ARHGAP21: variants seen among roughly 807,000 people sequenced by gnomAD.
ARHGAP21 encodes the protein rho GTPase-activating protein 21.
A neutral mutation model predicts 164.6 loss-of-function variants in ARHGAP21; 38 were observed. That is an observed-to-expected ratio of 0.23 (90% CI 0.18 to 0.30). ARHGAP21 has a LOEUF of 0.30. ARHGAP21 is among the 10% of genes least tolerant of loss of function. The pLI is 1.00. For missense variants in ARHGAP21, 1,822 were observed against 2,370.7 expected, an observed-to-expected ratio of 0.77 and a Z score of 4.81; for synonymous variants, 766 against 857.9, an observed-to-expected ratio of 0.89 and a Z score of 1.87.
chr10:24,584,487 A>G lies in ARHGAP21; in HGVS notation c.5802T>C (p.Ser1934=). 1 of 1,613,976 alleles carries G rather than the reference A, an allele frequency of 6.2e-7. No homozygotes were observed. The highest frequency in any genetic ancestry group is 2.2e-5 in the East Asian group (1 of 44,878). Residue 1934 remains serine (S), a synonymous_variant, in exon 26 of 26, where the codon AGT becomes AGC. Transcript: ENST00000396432. ...ESFQNVSKNA[S]SAANAQPHKL... ...TATGAGGTTGGGCATTCGCTGCAGA[A>G]CTAGCATTTTTGCTCACGTTCTGGA...
chr10:24,699,130 G>A (rs988389366), intron 2 of ARHGAP21, among the ~76,000 whole-genome samples: 3 of 151,982 alleles, frequency 2.0e-5, no homozygotes, highest in Non-Finnish European at 4.4e-5. Context: ...TATCATTCCA[G>A]ACATTCCTTT....
chr10:24,606,358 A>AAAAT (rs2077024265), intron 11 of ARHGAP21, among the ~76,000 whole-genome samples: 2 of 152,344 alleles, frequency 1.3e-5, no homozygotes, highest in South Asian at 2.1e-4. Flanking sequence ...GAATCCATAG[A>AAAAT]AAATAGTCAA....
intron 2 of ARHGAP21, among the ~76,000 whole-genome samples, chr10:24,675,163 A>G (rs956196951): frequency 3.3e-5 from 5 of 152,244 alleles, no homozygotes; most frequent in Non-Finnish European, 5.9e-5. Context: ...CTGGAAAACA[A>G]CTGAAATATT....
chr10:24,617,471 T>C (rs1032004864), intron 9 of ARHGAP21, among the ~76,000 whole-genome samples: 4 of 152,142 alleles, frequency 2.6e-5, no homozygotes, highest in Admixed American at 2.0e-4. Flanking sequence ...AAAATATCTA[T>C]TCTAGATGAT....
intron 9 of ARHGAP21, among the ~76,000 whole-genome samples, chr10:24,610,062 G>A (rs972480666): frequency 1.3e-5 from 2 of 152,136 alleles, no homozygotes; most frequent in Non-Finnish European, 2.9e-5. Flanking sequence ...GTTAAACTAC[G>A]TAATCAAAGA....
intron 2 of ARHGAP21, among the ~76,000 whole-genome samples, chr10:24,708,922 A>AT (rs1167817240): frequency 6.6e-6 from 1 of 152,164 alleles, no homozygotes; most frequent in Non-Finnish European, 1.5e-5. Context: ...TATCTTTTTG[A>AT]TAAGTGGATT....
intron 2 of ARHGAP21, among the ~76,000 whole-genome samples, chr10:24,712,617 AT>A (rs1471999105): frequency 6.6e-6 from 1 of 152,218 alleles, no homozygotes. Flanking sequence ...CACAGACACA[AT>A]TTTTTTCCCC....
intron 2 of ARHGAP21, among the ~76,000 whole-genome samples, chr10:24,680,483 G>A (rs1265558539): frequency 6.6e-6 from 1 of 152,120 alleles, no homozygotes; most frequent in Non-Finnish European, 1.5e-5. Context: ...GCTATGTCTT[G>A]TTTTACTGGG....
At chr10:24,648,598 G>A (rs759045371) in intron 4 of ARHGAP21, among the ~76,000 whole-genome samples, 41 of 152,142 alleles carry the variant, frequency 2.7e-4, no homozygotes, top group Admixed American at 1.4e-3. Flanking sequence ...TGGCCAACAC[G>A]GTGAAACCCT....
At chr10:24,598,074 A>G in intron 14 of ARHGAP21, 65 bp from the exon 15 acceptor site, 2 of 1,324,804 alleles carry the variant, frequency 1.5e-6, no homozygotes, top group Non-Finnish European at 2.1e-6. Context: ...TACTTTTTTG[A>G]GGCTTTCTAT....
intron 2 of ARHGAP21, among the ~76,000 whole-genome samples, chr10:24,694,111 GC>G (rs1158266516): frequency 2.0e-5 from 3 of 152,078 alleles, no homozygotes; most frequent in Non-Finnish European, 2.9e-5. Flanking sequence ...TAGGATTATT[GC>G]CCAAATTACA....
At chr10:24,722,996 GA>G (rs1361675337) in intron 1 of ARHGAP21, among the ~76,000 whole-genome samples, 2 of 151,894 alleles carry the variant, frequency 1.3e-5, no homozygotes, top group African/African-American at 4.8e-5. Flanking sequence ...CACCTAGGGG[GA>G]AAAAACGAGA....
chr10:24,656,404 T>C lies in ARHGAP21; in HGVS notation c.268+10581A>G, dbSNP rs1192709227. Among the ~76,000 whole-genome samples the C allele has an allele frequency of 8.0e-3, 406 of 50,806 alleles. 1 individual carries two copies. The highest frequency in any genetic ancestry group is 0.019 in the African/African-American group (195 of 10,506). The allele number at this position is 50,806 out of a possible 152,430, so 33.3% of individuals were successfully genotyped here. A position where few individuals can be genotyped will look rare whatever the true frequency, so the allele number is the denominator to read the frequency against. ...GGGAGGGAGGTGGGGGGGTCAGCCCTCCGCCCGGCCAGCCGCCCCGTCTGG... is the reference window on the plus strand; with the variant it reads ...GGGAGGGAGGTGGGGGGGTCAGCCCCCCGCCCGGCCAGCCGCCCCGTCTGG... On this transcript the variant is annotated intron_variant, in intron 4 of 25. Coordinates refer to ENST00000396432, the MANE Select transcript of ARHGAP21 (RefSeq NM_020824.4).
At chr10:24,722,795 G>A (rs1457789561) in intron 1 of ARHGAP21, 1 of 151,940 alleles carries the variant, frequency 6.6e-6, no homozygotes, top group Non-Finnish European at 1.5e-5. Flanking sequence ...CGGCGTCCCC[G>A]AGGAGGCGGC....
rs754752303 is a variant in ARHGAP21 at position 24,591,899 on chromosome 10, C to T, written c.3990G>A (p.Thr1330=). The change falls in exon 22 of 26, where the codon ACG becomes ACA. Residue 1330 remains threonine (T), a synonymous_variant. Coordinates refer to ENST00000396432, the MANE Select transcript of ARHGAP21 (RefSeq NM_020824.4). ...AGCATGAACTTACGTGCTGGATGAG[C>T]GTTTCTACAATCTTGTACTGGTCAG... The part of the protein sequence containing the change: ...HMPDQYKIVE[T]LIQHHDWFFT... The T allele has an allele frequency of 5.6e-6, 9 of 1,607,048 alleles. No individual in the cohort carries two copies. The highest frequency in any genetic ancestry group is 1.9e-4 in the Middle Eastern group (1 of 5,290).
chr10:24,591,146 A>G (rs1438141960), intron 24 of ARHGAP21, 79 bp downstream of exon 24: 1 of 1,219,980 alleles, frequency 8.2e-7, no homozygotes, highest in East Asian at 2.4e-5. Context: ...GTAACAATTC[A>G]CTATGATTGA....
At position 24,597,441 on chromosome 10, in the gene ARHGAP21, C is replaced by G; in HGVS notation, c.3334+6G>C. 1 of 1,609,014 alleles carries G rather than the reference C, an allele frequency of 6.2e-7. No individual in the cohort carries two copies. The highest frequency in any genetic ancestry group is 8.5e-7 in the Non-Finnish European group (1 of 1,178,742). ...TATTTATTTGTTAGAAAGCTAACAT[C>G]AATACCTTTACTGAGAAGTTTCCTT... On this transcript the variant is annotated splice_donor_region_variant and intron_variant, in intron 16 of 25. Coordinates refer to ENST00000396432, the MANE Select transcript of ARHGAP21 (RefSeq NM_020824.4).
chr10:24,604,297 C>A lies in ARHGAP21; in HGVS notation c.2721+15G>T. Reference sequence around the variant, plus strand: ...AGAGATAAACTAAGGTAAGTAGAAACACTCTAATACCAACCTTGATTCCCT... The same window carrying A: ...AGAGATAAACTAAGGTAAGTAGAAAAACTCTAATACCAACCTTGATTCCCT... On this transcript the variant is annotated intron_variant, in intron 12 of 25. Transcript: ENST00000396432. The A allele has an allele frequency of 1.3e-6, 2 of 1,546,036 alleles. No homozygotes were observed. The highest frequency in any genetic ancestry group is 1.9e-5 in the Admixed American group (1 of 53,478).
chr10:24,587,073 G>C (rs1257650303), intron 25 of ARHGAP21, among the ~76,000 whole-genome samples: 1 of 152,120 alleles, frequency 6.6e-6, no homozygotes, highest in Non-Finnish European at 1.5e-5. Context: ...ATTAACATAA[G>C]TACAATTAAA....
Sources: allele counts gnomAD v4.1 joint callset (sites outside exome capture counted in the v4.1 genomes callset), GRCh38; gene constraint gnomAD v4.1.1; transcripts MANE v1.5; gene names NCBI Gene and HGNC (gene_info 2026-07-23, HGNC 2026-07-21).